The following NUP85 variants were observed in gnomAD, a reference collection of about 807,000 sequenced individuals.
NUP85 encodes the protein nuclear pore complex protein Nup85.
Under a neutral mutation model 92.8 loss-of-function variants are expected in NUP85, and 23 were observed. The observed-to-expected ratio is 0.25, with a 90% confidence interval of 0.18 to 0.35. The LOEUF (loss-of-function observed/expected upper bound fraction) is 0.35, where lower values mean the gene tolerates loss of function less well. NUP85 is among the 10% of genes least tolerant of loss of function. The pLI is 1.00. For missense variants in NUP85, 759 were observed against 822.8 expected (o/e 0.92, Z 0.95); for synonymous variants, 314 against 306.9 (o/e 1.02, Z -0.24).
chr17:75,212,166 T>G, intron 4 of NUP85, 104 bp downstream of exon 4: 1 of 684,692 alleles, frequency 1.5e-6, no homozygotes, highest in Non-Finnish European at 2.3e-6. Context: ...TTGATTGATA[T>G]TCCAGTCCAA....
chr17:75,233,179 C>G, intron 16 of NUP85, 21 bp downstream of exon 16: 3 of 1,607,888 alleles, frequency 1.9e-6, no homozygotes, highest in Non-Finnish European at 1.7e-6. Context: ...GGGTTTTGTG[C>G]CCTGTGCTTT....
At chr17:75,218,013 A>C (rs2075483368) in intron 6 of NUP85, among the ~76,000 whole-genome samples, 172 bp from the exon 7 acceptor site, 3 of 152,160 alleles carry the variant, frequency 2.0e-5, no homozygotes. Flanking sequence ...GTGAAAGTGC[A>C]TTTGCTTTTT....
chr17:75,230,461 G>A (rs1198642834), intron 11 of NUP85, among the ~76,000 whole-genome samples: 1 of 149,798 alleles, frequency 6.7e-6, no homozygotes, highest in African/African-American at 2.5e-5. Flanking sequence ...CTAGGTTCAC[G>A]CCATTCTCCT....
chr17:75,213,792 G>A (rs993428413), intron 5 of NUP85, among the ~76,000 whole-genome samples: 1 of 151,636 alleles, frequency 6.6e-6, no homozygotes, highest in Non-Finnish European at 1.5e-5. Flanking sequence ...GGGCTCAAGT[G>A]ATCCTCCTGC....
At chr17:75,222,827 A>G (rs912039791) in intron 7 of NUP85, among the ~76,000 whole-genome samples, 2 of 151,840 alleles carry the variant, frequency 1.3e-5, no homozygotes, top group Non-Finnish European at 2.9e-5. Context: ...TGAAGTCAGG[A>G]GATCAAGACC....
chr17:75,232,985 T>G lies in NUP85; in HGVS notation c.1514+17T>G, dbSNP rs2076135190. ...GTCAGACAGGTGGGTGCCGCTAGTGTTGGCTTCCCAGGGACTGGGTGGTTG... is the reference window on the plus strand; with the variant it reads ...GTCAGACAGGTGGGTGCCGCTAGTGGTGGCTTCCCAGGGACTGGGTGGTTG... On this transcript the variant is annotated intron_variant, in intron 15 of 18. Transcript: ENST00000245544. The G allele has an allele frequency of 6.2e-7, 1 of 1,613,536 alleles. No individual in the cohort carries two copies.
chr17:75,221,403 T>C (rs1200048203), intron 7 of NUP85, among the ~76,000 whole-genome samples: 1 of 152,072 alleles, frequency 6.6e-6, no homozygotes, highest in Non-Finnish European at 1.5e-5. Flanking sequence ...CCTCCCAAAG[T>C]GCTGGGATTA....
chr17:75,234,250 C>T (rs778235076), intron 16 of NUP85, among the ~76,000 whole-genome samples: 3 of 151,860 alleles, frequency 2.0e-5, no homozygotes, highest in Non-Finnish European at 4.4e-5. Context: ...TGGGGTTTCA[C>T]CATGTTGGCC....
At chr17:75,234,349 C>T (rs768208372) in intron 16 of NUP85, among the ~76,000 whole-genome samples, 5 of 152,220 alleles carry the variant, frequency 3.3e-5, no homozygotes, top group East Asian at 1.9e-4. Context: ...TGAGCCACCA[C>T]GCCTGGCCTA....
chr17:75,229,024 T>C, intron 11 of NUP85: 1 of 985,490 alleles, frequency 1.0e-6, no homozygotes, highest in South Asian at 4.7e-5. Context: ...GCCAGTTCCT[T>C]GCTGTCTGGC....
intron 7 of NUP85, among the ~76,000 whole-genome samples, chr17:75,220,981 A>G (rs1185421002): frequency 2.1e-5 from 3 of 143,030 alleles, no homozygotes; most frequent in Non-Finnish European, 4.5e-5. Context: ...TCCCGGGTTC[A>G]TGCCATTCTC....
At chr17:75,225,486 G>A (rs756983192) in intron 9 of NUP85, 22 bp downstream of exon 9, 1 of 1,610,530 alleles carries the variant, frequency 6.2e-7, no homozygotes, top group East Asian at 2.2e-5. Context: ...AGTTCAGATT[G>A]CATCCATGTT....
intron 1 of NUP85, among the ~76,000 whole-genome samples, chr17:75,207,619 ACAGGTGCGTGC>A (rs1480000632): frequency 1.3e-5 from 2 of 151,800 alleles, no homozygotes; most frequent in African/African-American, 4.8e-5. Flanking sequence ...AGCTGAGATT[ACAGGTGCGTGC>A]CACCACACCC....
Position 75,234,750 on chromosome 17 carries a change from C to G in NUP85, c.1729C>G (p.Leu577Val), listed in dbSNP as rs1466991490. The change falls in exon 17 of 19, where the codon CTG (leucine) becomes GTG (valine). Residue 577 changes from leucine (L) to valine (V), a missense_variant. Physicochemically the swap from Leu to Val is conservative, Grantham distance 32 (BLOSUM62 1). Transcript: ENST00000245544. Reference protein sequence around the residue: ...RIAPRSFWMTLLTDALPLLEQ... With the variant: ...RIAPRSFWMTVLTDALPLLEQ... ...TGCCCCTCGGTCTTTCTGGATGACTCTGCTGACAGACGCCTTGCCCCTTTT... is the reference window on the plus strand; with the variant it reads ...TGCCCCTCGGTCTTTCTGGATGACTGTGCTGACAGACGCCTTGCCCCTTTT... 6.2e-7 allele frequency: 1 copy of G among 1,614,206 alleles called. No individual in the cohort carries two copies. Among genetic ancestry groups the G allele is most frequent in the East Asian group, 2.2e-5 (1 of 44,880 alleles).
chr17:75,227,453 A>T (rs1466832052), intron 11 of NUP85, among the ~76,000 whole-genome samples: 1 of 148,708 alleles, frequency 6.7e-6, no homozygotes, highest in Non-Finnish European at 1.5e-5. Flanking sequence ...CTACTGCCTC[A>T]GTCTCCCAAG....
intron 4 of NUP85, among the ~76,000 whole-genome samples, 167 bp downstream of exon 4, chr17:75,212,229 G>GT (rs1487667368): frequency 1.2e-3 from 3 of 2,578 alleles, no homozygotes; most frequent in African/African-American, 2.4e-3. Flanking sequence ...TCATTTAGAG[G>GT]TTTTTTTTTT....
In NUP85 at chr17:75,231,547, T is replaced by TG; in HGVS notation, c.1179-24dup. The TG allele has an allele frequency of 1.2e-6, 2 of 1,613,926 alleles. No homozygotes were observed. The highest frequency in any genetic ancestry group is 1.7e-5 in the Admixed American group (1 of 60,020). The stretch of plus-strand genomic sequence containing the variant: ...CCTGAACAGGGCAGGCCAGGAGTCT[T>TG]GGTCTTTTGTTATGTTTTATTCCAG... On this transcript the variant is annotated intron_variant, in intron 12 of 18. Transcript: ENST00000245544. This position sits in a 1 kb window ranked among gnomAD's most constrained non-coding sequence, Gnocchi z 4.6.
At chr17:75,207,667 A>G (rs1026350307) in intron 1 of NUP85, among the ~76,000 whole-genome samples, 1 of 151,292 alleles carries the variant, frequency 6.6e-6, no homozygotes, top group African/African-American at 2.4e-5. Context: ...TTTGGTAGAG[A>G]TGGGGTTTCA....
rs539120556 is a variant in NUP85 at position 75,234,622 on chromosome 17, CTT to C, written c.1616-14_1616-13del. On this transcript the variant is annotated splice_polypyrimidine_tract_variant and intron_variant, in intron 16 of 18. Coordinates refer to ENST00000245544, the MANE Select transcript of NUP85 (RefSeq NM_024844.5). ...GGGAATATGCAGGTTACTCAGTGCT[CTT>C]GTTTCGCCATAGGAAAGTATCGCGA... 3.8e-5 allele frequency: 62 copies of C among 1,613,560 alleles called. No homozygotes were observed. The highest frequency in any genetic ancestry group is 1.0e-4 in the Admixed American group (6 of 60,006).
Sources: gnomAD v4.1 joint callset for allele counts (sites outside exome capture counted in the v4.1 genomes callset) on GRCh38, gnomAD v4.1.1 for gene constraint, Gnocchi (gnomAD v3.1) non-coding constraint, MANE v1.5 for transcripts, NCBI Gene and HGNC (gene_info 2026-07-23, HGNC 2026-07-21) for gene names.